MAPK10: variants seen among roughly 807,000 people sequenced by gnomAD.
The protein encoded by MAPK10 is mitogen-activated protein kinase 10, also known as JNK3 alpha protein kinase.
MAPK10 carries 25 observed loss-of-function variants against 59.3 expected under a neutral mutation model. The observed-to-expected ratio is 0.42, with a 90% CI of 0.31 to 0.59. The LOEUF is 0.59. Among genes scored for constraint, MAPK10 ranks in the 20% least tolerant of loss-of-function variants. MAPK10 has a pLI of 0.15. For synonymous variants in MAPK10, 190 were observed against 200.5 expected (o/e 0.95, Z 0.44); for missense variants, 351 against 568.9 (o/e 0.62, Z 3.90).
At chr4:86,520,769 G>C (rs909260926) in intron 1 of MAPK10, among the ~76,000 whole-genome samples, 15 of 152,084 alleles carry the variant, frequency 9.9e-5, no homozygotes, top group African/African-American at 3.6e-4. Context: ...GGAACTCAAG[G>C]GCTGCTGTTC....
At chr4:86,329,177 G>A (rs57468889) in intron 2 of MAPK10, among the ~76,000 whole-genome samples, 67,641 of 151,964 alleles carry the variant, frequency 0.45, 15,561 homozygotes, top group Non-Finnish European at 0.51. Context: ...ATAAACTTCT[G>A]TGCTTTATAA....
At chr4:86,068,222 T>TAA (rs1347595140) in intron 9 of MAPK10, among the ~76,000 whole-genome samples, 1 of 151,552 alleles carries the variant, frequency 6.6e-6, no homozygotes, top group South Asian at 2.1e-4. Context: ...GGTGTACAGA[T>TAA]AAAAAGTCAT....
chr4:86,534,096 A>G (rs961530279), intron 1 of MAPK10, among the ~76,000 whole-genome samples: 8 of 151,960 alleles, frequency 5.3e-5, no homozygotes, highest in African/African-American at 1.9e-4. Context: ...TGTCTTCCCC[A>G]CCACATAATG....
chr4:86,581,175 T>C (rs1762234894), intron 1 of MAPK10, among the ~76,000 whole-genome samples: 1 of 152,100 alleles, frequency 6.6e-6, no homozygotes, highest in Non-Finnish European at 1.5e-5. Flanking sequence ...ACTGCTAGAA[T>C]TGTACTAGCA....
intron 2 of MAPK10, among the ~76,000 whole-genome samples, chr4:86,267,710 T>C (rs924315687): frequency 6.6e-6 from 1 of 152,126 alleles, no homozygotes; most frequent in East Asian, 1.9e-4. Context: ...GAACTCTTTC[T>C]CCTAGAAGCT....
intron 2 of MAPK10, among the ~76,000 whole-genome samples, chr4:86,340,655 T>TA (rs1724363102): frequency 1.3e-5 from 2 of 152,080 alleles, no homozygotes; most frequent in Non-Finnish European, 2.9e-5. Context: ...AGTATATGGT[T>TA]AAGGTAAGTG....
intron 3 of MAPK10, among the ~76,000 whole-genome samples, chr4:86,190,452 C>G (rs1377045073): frequency 6.6e-6 from 1 of 152,140 alleles, no homozygotes; most frequent in Non-Finnish European, 1.5e-5. Flanking sequence ...AGGGATTTAA[C>G]TTCTTCCTGG....
At chr4:86,267,953 A>G in intron 2 of MAPK10, among the ~76,000 whole-genome samples, 1 of 152,176 alleles carries the variant, frequency 6.6e-6, no homozygotes, top group Non-Finnish European at 1.5e-5. Context: ...AATTATTTGG[A>G]AGCAAGTCTC....
intron 1 of MAPK10, among the ~76,000 whole-genome samples, chr4:86,404,502 A>G (rs1283458709): frequency 6.6e-6 from 1 of 152,188 alleles, no homozygotes; most frequent in Non-Finnish European, 1.5e-5. Context: ...CCACTTTTAG[A>G]TCATCCATTA....
chr4:86,351,286 A>AAT (rs1039080642), intron 2 of MAPK10, among the ~76,000 whole-genome samples: 16 of 151,464 alleles, frequency 1.1e-4, no homozygotes, highest in Admixed American at 5.9e-4. Context: ...ACACACACGC[A>AAT]ATATATATAT....
At chr4:86,168,358 T>G (rs534063148) in intron 3 of MAPK10, among the ~76,000 whole-genome samples, 11 of 152,300 alleles carry the variant, frequency 7.2e-5, no homozygotes, top group Non-Finnish European at 1.3e-4. Context: ...ACTCCCACCC[T>G]AATACTGTGC....
chr4:86,125,045 A>G (rs1018425812), intron 4 of MAPK10: 1 of 152,030 alleles, frequency 6.6e-6, no homozygotes. Flanking sequence ...AAAATACATT[A>G]GAATTAAAAA....
Position 86,067,830 on chromosome 4 carries a change from G to A in MAPK10, c.928C>T (p.Pro310Ser), listed in dbSNP as rs748766468. The change falls in exon 10 of 14, where the codon CCC becomes TCC. Residue 310 changes from proline (P) to serine (S), a missense_variant. By Grantham distance (74) the Pro-to-Ser change is moderately conservative. Coordinates refer to ENST00000641462, the MANE Select transcript of MAPK10 (RefSeq NM_138982.4). ...AAGAGGGAATCTGGGAAGAGTTTGG[G>A]GAAGGTGAGTCCCGCATACTTGGGC... is the stretch of plus-strand genomic sequence containing the variant. ...NRPKYAGLTF[P>S]KLFPDSLFPA... 1.1e-5 allele frequency: 17 copies of A among 1,613,814 alleles called. No homozygotes were observed. In the East Asian group the frequency reaches 3.6e-4, roughly 34 times the overall value.
chr4:86,580,571 T>C (rs139032094), intron 1 of MAPK10, among the ~76,000 whole-genome samples: 58 of 152,308 alleles, frequency 3.8e-4, no homozygotes, highest in African/African-American at 1.4e-3. Flanking sequence ...TCTGTACTTC[T>C]AAATTTTAAA....
chr4:86,284,641 T>C (rs1563972618), intron 2 of MAPK10, among the ~76,000 whole-genome samples: 1 of 152,218 alleles, frequency 6.6e-6, no homozygotes, highest in Non-Finnish European at 1.5e-5. Flanking sequence ...AAAAGTCCTT[T>C]GAACAGCAGC....
At chr4:86,116,962 T>C (rs1466864782) in intron 4 of MAPK10, among the ~76,000 whole-genome samples, 1 of 152,234 alleles carries the variant, frequency 6.6e-6, no homozygotes, top group Non-Finnish European at 1.5e-5. Context: ...TAGGCAACAA[T>C]TGGACACATA....
chr4:86,242,966 T>G (rs573385867), intron 2 of MAPK10, among the ~76,000 whole-genome samples: 2 of 152,268 alleles, frequency 1.3e-5, no homozygotes, highest in South Asian at 4.1e-4. Context: ...GCGAGTGGGA[T>G]CTTCCGATCA....
At chr4:86,171,809 A>G (rs1437948022) in intron 3 of MAPK10, among the ~76,000 whole-genome samples, 1 of 151,044 alleles carries the variant, frequency 6.6e-6, no homozygotes, top group Non-Finnish European at 1.5e-5. Context: ...AATGGGAGAA[A>G]ATTTTCCCAA....
chr4:86,087,650 T>C (rs749709253), intron 9 of MAPK10, among the ~76,000 whole-genome samples: 22 of 152,132 alleles, frequency 1.4e-4, no homozygotes, highest in Non-Finnish European at 3.2e-4. Flanking sequence ...TTAGTAAGAA[T>C]AATCAGAAGT....
Sources: gnomAD v4.1 joint callset for allele counts (sites outside exome capture counted in the v4.1 genomes callset) on GRCh38, gnomAD v4.1.1 for gene constraint, MANE v1.5 for transcripts, NCBI Gene and HGNC (gene_info 2026-07-23, HGNC 2026-07-21) for gene names.